Variants in CALN1 observed in about 807,000 individuals in gnomAD.
CALN1 encodes calneuron 1.
CALN1 carries 17 observed loss-of-function variants against 30.6 expected under a neutral mutation model. The observed-to-expected ratio is 0.56, with a 90% CI of 0.38 to 0.83. The LOEUF (loss-of-function observed/expected upper bound fraction) is 0.83, where lower values mean the gene tolerates loss of function less well. Ranked by LOEUF, CALN1 falls within the 40% of genes least tolerant of loss-of-function variation. The pLI, the probability that CALN1 is intolerant of heterozygous loss-of-function variation, is 0.00. For synonymous variants in CALN1, 156 were observed against 131.4 expected (o/e 1.19, Z -1.28); for missense variants, 291 against 354.9 (o/e 0.82, Z 1.45).
chr7:72,155,385 GGGA>G (rs1303789125), intron 3 of CALN1, among the ~76,000 whole-genome samples: 1 of 151,674 alleles, frequency 6.6e-6, no homozygotes, highest in African/African-American at 2.4e-5. Context: ...CCAGCTACTC[GGGA>G]GGCTGAGGCA....
intron 2 of CALN1, among the ~76,000 whole-genome samples, chr7:72,323,679 A>T (rs560939086): frequency 3.8e-4 from 56 of 146,810 alleles, no homozygotes; most frequent in African/African-American, 1.5e-3. Flanking sequence ...AAAAAATAAA[A>T]AATAAAGAGA....
chr7:71,821,090 G>A (rs1788559728), intron 5 of CALN1, among the ~76,000 whole-genome samples: 1 of 152,124 alleles, frequency 6.6e-6, no homozygotes, highest in Non-Finnish European at 1.5e-5. Context: ...AATAGCCTAG[G>A]ATGCAGTAGA....
intron 5 of CALN1, among the ~76,000 whole-genome samples, chr7:71,867,069 C>T (rs528936060): frequency 1.3e-4 from 19 of 151,686 alleles, no homozygotes; most frequent in Admixed American, 5.9e-4. Flanking sequence ...CGCTTGAATC[C>T]GGGAGGCAGA....
intron 5 of CALN1, among the ~76,000 whole-genome samples, chr7:71,902,090 C>G (rs1793880424): frequency 6.6e-6 from 1 of 151,822 alleles, no homozygotes; most frequent in Admixed American, 6.6e-5. Context: ...AACAAGTAAC[C>G]CCATTAAAAA....
In CALN1 at chr7:72,292,834, AG is replaced by A. The variant is rs1189296774; in HGVS notation, c.120-14025del. On this transcript the variant is annotated intron_variant, in intron 2 of 6. Coordinates refer to ENST00000395275, the MANE Select transcript of CALN1 (RefSeq NM_031468.4). Reference sequence around the variant, plus strand: ...ATACTCTGTCTCAAAAAAAAAAAAAAGAATTTCAACATATGACTTTTGGAGA... The same window carrying A: ...ATACTCTGTCTCAAAAAAAAAAAAAAAATTTCAACATATGACTTTTGGAGA... 1.6e-4 allele frequency among the ~76,000 whole-genome samples: 24 copies of A among 151,086 alleles called. 1 individual carries two copies. The highest frequency in any genetic ancestry group is 3.2e-4 in the Non-Finnish European group (22 of 67,750).
intron 5 of CALN1, among the ~76,000 whole-genome samples, chr7:71,874,971 C>G (rs1233751111): frequency 6.6e-6 from 1 of 151,944 alleles, no homozygotes; most frequent in Non-Finnish European, 1.5e-5. Flanking sequence ...TCAAGACGAG[C>G]CTGGCCAACA....
intron 2 of CALN1, among the ~76,000 whole-genome samples, chr7:72,383,668 T>C (rs1259748856): frequency 6.6e-6 from 1 of 152,168 alleles, no homozygotes; most frequent in Non-Finnish European, 1.5e-5. Flanking sequence ...GGAAGTGTTC[T>C]GGGAAGGGAC....
intron 3 of CALN1, among the ~76,000 whole-genome samples, chr7:72,163,711 G>C (rs867655636): frequency 5.3e-5 from 8 of 152,086 alleles, no homozygotes; most frequent in African/African-American, 1.9e-4. Context: ...TTTGAAGACA[G>C]ATCAATAGAA....
chr7:72,495,430 G>T, the CALN1 span, among the ~76,000 whole-genome samples: 1 of 152,168 alleles, frequency 6.6e-6, no homozygotes, highest in South Asian at 2.1e-4. Context: ...AATATTGATT[G>T]AGACCTACTC....
intron 2 of CALN1, among the ~76,000 whole-genome samples, chr7:72,387,103 G>GA: frequency 8.0e-6 from 1 of 125,440 alleles, no homozygotes; most frequent in Non-Finnish European, 1.7e-5. Flanking sequence ...AGCAATAAAA[G>GA]AAAAAAATTT....
At chr7:72,458,216 A>ATATATTCTATAATATATTC in the CALN1 span, among the ~76,000 whole-genome samples, 2 of 89,862 alleles carry the variant, frequency 2.2e-5, no homozygotes, top group Non-Finnish European at 4.4e-5. Context: ...ATATTTTATA[A>ATATATTCTATAATATATTC]TATATTATAT....
At chr7:72,427,708 T>C (rs1246622879) in intron 1 of CALN1, among the ~76,000 whole-genome samples, 2 of 152,038 alleles carry the variant, frequency 1.3e-5, no homozygotes, top group Admixed American at 1.3e-4. Flanking sequence ...CTTGAACTCC[T>C]GGCCTCAAAC....
intron 5 of CALN1, among the ~76,000 whole-genome samples, chr7:71,897,051 T>C (rs1160355581): frequency 6.6e-6 from 1 of 152,116 alleles, no homozygotes. Flanking sequence ...GAGGGTCATT[T>C]GCTAAAAACA....
At chr7:72,261,189 T>C (rs1796248323) in intron 3 of CALN1, among the ~76,000 whole-genome samples, 1 of 152,118 alleles carries the variant, frequency 6.6e-6, no homozygotes. Context: ...GCACCTGTGA[T>C]CTCAGCTACT....
chr7:72,299,763 G>A lies in CALN1; in HGVS notation c.120-20953C>T, dbSNP rs1456235119. On this transcript the variant is annotated intron_variant, in intron 2 of 6. Coordinates refer to ENST00000395275, the MANE Select transcript of CALN1 (RefSeq NM_031468.4). ...TTGCCCAGACTGGTTTCAAACTCCTGGGTTCAAGGGATCCTCCTGCCTCGA... is the reference window on the plus strand; with the variant it reads ...TTGCCCAGACTGGTTTCAAACTCCTAGGTTCAAGGGATCCTCCTGCCTCGA... Among the ~76,000 whole-genome samples, 3 of 147,470 alleles carry A rather than the reference G, an allele frequency of 2.0e-5. No individual in the cohort carries two copies. The Admixed American group carries it at 2.1e-4, about 10-fold the overall frequency.
chr7:72,266,619 T>C (rs1035584352), intron 3 of CALN1, among the ~76,000 whole-genome samples: 3 of 152,226 alleles, frequency 2.0e-5, no homozygotes, highest in Admixed American at 6.5e-5. Context: ...TTTTTTCTTT[T>C]ATCTTATGAT....
chr7:72,106,088 C>T (rs1386222665), intron 4 of CALN1, 63 bp downstream of exon 4: 13 of 1,573,530 alleles, frequency 8.3e-6, no homozygotes, highest in African/African-American at 1.4e-5. Flanking sequence ...CTGCATAAAC[C>T]GAAGGTCTCA....
intron 3 of CALN1, among the ~76,000 whole-genome samples, chr7:72,158,713 G>C (rs1787894558): frequency 6.6e-6 from 1 of 152,198 alleles, no homozygotes; most frequent in South Asian, 2.1e-4. Context: ...CTGGCATCTT[G>C]TGATGCTGAG....
intron 3 of CALN1, among the ~76,000 whole-genome samples, chr7:72,236,080 A>G (rs201474626): frequency 7.1e-5 from 1 of 14,030 alleles, no homozygotes; most frequent in Non-Finnish European, 1.2e-4. Context: ...CATTCTCCAC[A>G]AAAAAAAAAA....
Sources: allele counts gnomAD v4.1 joint callset (sites outside exome capture counted in the v4.1 genomes callset), GRCh38; gene constraint gnomAD v4.1.1; transcripts MANE v1.5; gene names NCBI Gene and HGNC (gene_info 2026-07-23, HGNC 2026-07-21).